Variants in OXNAD1 observed in about 807,000 individuals in gnomAD.
The protein encoded by OXNAD1 is oxidoreductase NAD-binding domain-containing protein 1.
A neutral mutation model predicts 32.9 loss-of-function variants in OXNAD1; 34 were observed. The ratio of observed to expected loss-of-function variants is 1.03; its 90% CI spans 0.79 to 1.38. OXNAD1 has a LOEUF of 1.38. OXNAD1 is among the 40% of genes most tolerant of loss of function. The pLI, the probability that OXNAD1 is intolerant of heterozygous loss-of-function variation, is 0.00. For synonymous variants in OXNAD1, 134 were observed against 135.2 expected (o/e 0.99, Z 0.06); for missense variants, 407 against 379.4 (o/e 1.07, Z -0.60).
rs2125293581 is a variant in OXNAD1 at position 16,342,781 on chromosome 3, C to T, written c.*31-6395C>T. On this transcript the variant is annotated intron_variant, in intron 9 of 9. Coordinates refer to the OXNAD1 transcript ENST00000606098. This position sits in a 1 kb window ranked among gnomAD's most constrained non-coding sequence, Gnocchi z 4.0. ...AAAGCTCTGTGTCAACATGCATGCCCAGCTTATTCAAGTTGGAAGGGGTCA... is the reference window on the plus strand; with the variant it reads ...AAAGCTCTGTGTCAACATGCATGCCTAGCTTATTCAAGTTGGAAGGGGTCA... Among the ~76,000 whole-genome samples, 1 of 152,310 alleles carries T rather than the reference C, an allele frequency of 6.6e-6. No individual in the cohort carries two copies. Among genetic ancestry groups the T allele is most frequent in the South Asian group, 2.1e-4 (1 of 4,830 alleles).
At position 16,346,978 on chromosome 3, in the gene OXNAD1, G is replaced by A. The variant is rs908243550; in HGVS notation, c.*31-2198G>A. Among the ~76,000 whole-genome samples the A allele has an allele frequency of 1.3e-5, 2 of 152,126 alleles. No individual in the cohort carries two copies. Among genetic ancestry groups the A allele is most frequent in the South Asian group, 2.1e-4 (1 of 4,818 alleles). On this transcript the variant is annotated intron_variant, in intron 9 of 9. Transcript: ENST00000606098. The surrounding 1 kb of genome is among the most constrained non-coding windows in gnomAD (Gnocchi z 4.4). The stretch of plus-strand genomic sequence containing the variant: ...AATGAGATGAGATGAACACCCCTAC[G>A]GCTTAAGCCACTTTTAGTTGGATTT...
rs1306128050 is a variant in OXNAD1, at chr3:16,312,553, G to A, written c.*30+8961G>A. On this transcript the variant is annotated intron_variant, in intron 9 of 9. Coordinates refer to the OXNAD1 transcript ENST00000435829. This position sits in a 1 kb window ranked among gnomAD's most constrained non-coding sequence, Gnocchi z 4.7. The stretch of plus-strand genomic sequence containing the variant: ...CTGCTGTGAGCCCTAGCAGGACAGA[G>A]CCCAGACTGTGTGCTCCCTGCAGCA... 1.3e-5 allele frequency among the ~76,000 whole-genome samples: 2 copies of A among 152,202 alleles called. No individual in the cohort carries two copies. Among genetic ancestry groups the A allele is most frequent in the Admixed American group, 6.5e-5 (1 of 15,282 alleles).
rs566680077 is a variant in OXNAD1 at position 16,322,702 on chromosome 3, T to C, written c.*31-14410T>C. Among the ~76,000 whole-genome samples the C allele has an allele frequency of 2.6e-5, 4 of 152,300 alleles. No individual in the cohort carries two copies. The highest frequency in any genetic ancestry group is 9.6e-5 in the African/African-American group (4 of 41,562). ...CCGACACTTGCACCTCGTACAGCCC[T>C]TGTGCTCAACCTTCAGGAATCACAG... On this transcript the variant is annotated intron_variant, in intron 9 of 9. Coordinates refer to the OXNAD1 transcript ENST00000435829. The surrounding 1 kb of genome is among the most constrained non-coding windows in gnomAD (Gnocchi z 6.2).
At chr3:16,337,547 C>G (rs1397186377), downstream of OXNAD1, among the ~76,000 whole-genome samples, 2 of 151,602 alleles carry the variant, frequency 1.3e-5, no homozygotes, top group East Asian at 1.9e-4. The surrounding 1 kb of genome is among the most constrained non-coding windows in gnomAD (Gnocchi z 5.0). Context: ...ATCGAGACCA[C>G]CCTGGCCAAC....
chr3:16,296,555 C>T (rs1371634119), intron 6 of OXNAD1, among the ~76,000 whole-genome samples: 1 of 152,090 alleles, frequency 6.6e-6, no homozygotes, highest in East Asian at 1.9e-4. Flanking sequence ...AGAAGAATCA[C>T]CTTAATCAAA....
At chr3:16,307,360 T>C (rs1049553402), downstream of OXNAD1, among the ~76,000 whole-genome samples, 10 of 152,160 alleles carry the variant, frequency 6.6e-5, no homozygotes, top group Admixed American at 1.3e-4. Context: ...AGTTCTCTAA[T>C]AAACAGGTAG....
chr3:16,273,181 A>G (rs1427700022), intron 4 of OXNAD1, among the ~76,000 whole-genome samples: 1 of 152,202 alleles, frequency 6.6e-6, no homozygotes, highest in Admixed American at 6.5e-5. Context: ...AGTGAAATAT[A>G]AGCAAAAAAG....
chr3:16,331,336 T>G (rs2070291100), intron 9 of OXNAD1, among the ~76,000 whole-genome samples: 2 of 152,254 alleles, frequency 1.3e-5, no homozygotes, highest in East Asian at 1.9e-4. Context: ...AAATAAAGGT[T>G]TAGTGCTCCC....
At chr3:16,326,049 C>A (rs2069656917) in intron 9 of OXNAD1, among the ~76,000 whole-genome samples, 1 of 152,224 alleles carries the variant, frequency 6.6e-6, no homozygotes, top group Non-Finnish European at 1.5e-5. Flanking sequence ...CCAAGCCTCC[C>A]CTAGCCTCAG....
Position 16,297,771 on chromosome 3 carries a change from C to T in OXNAD1, c.432+2774C>T, listed in dbSNP as rs2066901292. 6.6e-6 allele frequency among the ~76,000 whole-genome samples: 1 copy of T among 152,088 alleles called. No individual in the cohort carries two copies. Among genetic ancestry groups the T allele is most frequent in the Non-Finnish European group, 1.5e-5 (1 of 68,014 alleles). ...TGTAAAATCCCATTTTTGTCACATTCTGGAAGACAAAGATATAATGATGGG... is the reference window on the plus strand; with the variant it reads ...TGTAAAATCCCATTTTTGTCACATTTTGGAAGACAAAGATATAATGATGGG... On this transcript the variant is annotated intron_variant, in intron 6 of 8. Transcript: ENST00000285083. The surrounding 1 kb of genome is among the most constrained non-coding windows in gnomAD (Gnocchi z 4.3).
At position 16,303,269 on chromosome 3, in the gene OXNAD1, C is replaced by A; in HGVS notation, c.785-139C>A. The stretch of plus-strand genomic sequence containing the variant: ...GTCTGGGCCCAGATGCCAATAGGAG[C>A]CATACTGTGAATGGCTTAAGAAGAC... On this transcript the variant is annotated intron_variant, in intron 8 of 8. Transcript: ENST00000285083. This position sits in a 1 kb window ranked among gnomAD's most constrained non-coding sequence, Gnocchi z 4.8. 1 of 963,446 alleles carries A rather than the reference C, an allele frequency of 1.0e-6. No individual in the cohort carries two copies. 59.7% of individuals were successfully genotyped at this position (963,446 alleles called of 1,614,324 possible).
chr3:16,292,322 C>G (rs1575116847), intron 5 of OXNAD1, among the ~76,000 whole-genome samples: 1 of 151,866 alleles, frequency 6.6e-6, no homozygotes, highest in South Asian at 2.1e-4. Context: ...TCCCAAGTAG[C>G]TGGGACTACA....
At chr3:16,309,283 A>C (rs549889099), downstream of OXNAD1, among the ~76,000 whole-genome samples, 1 of 152,302 alleles carries the variant, frequency 6.6e-6, no homozygotes, top group Non-Finnish European at 1.5e-5. Flanking sequence ...TTCTGCACAT[A>C]CTCCTGTAGA....
rs1377125604 is a variant in OXNAD1, at chr3:16,302,920, A to G, written c.784+172A>G. Among the ~76,000 whole-genome samples the G allele has an allele frequency of 1.3e-5, 2 of 152,194 alleles. No homozygotes were observed. Among genetic ancestry groups the G allele is most frequent in the Non-Finnish European group, 2.9e-5 (2 of 68,036 alleles). ...GGATATTTAGTTGGGTTTACTCATT[A>G]TATACAGGTTTCCTATTGCCTGTGT... On this transcript the variant is annotated intron_variant, in intron 8 of 8. Coordinates refer to ENST00000285083, the MANE Select transcript of OXNAD1 (RefSeq NM_138381.5). This position sits in a 1 kb window ranked among gnomAD's most constrained non-coding sequence, Gnocchi z 4.2.
chr3:16,267,631 A>G (rs373988460), intron 1 of OXNAD1, among the ~76,000 whole-genome samples: 5 of 152,068 alleles, frequency 3.3e-5, no homozygotes, highest in African/African-American at 7.2e-5. Flanking sequence ...CACTGGAGAG[A>G]TGTCTTTCTT....
chr3:16,271,585 T>A lies in OXNAD1; in HGVS notation c.120-74T>A. On this transcript the variant is annotated intron_variant, in intron 3 of 8. Transcript: ENST00000285083. This position sits in a 1 kb window ranked among gnomAD's most constrained non-coding sequence, Gnocchi z 4.6. The stretch of plus-strand genomic sequence containing the variant: ...TACACTGTATTTAGGATAACCATGA[T>A]ATTTCAGGAAAAACTAATTTTATTA... The A allele has an allele frequency of 8.3e-7, 1 of 1,207,778 alleles. No homozygotes were observed. Among genetic ancestry groups the A allele is most frequent in the East Asian group, 2.7e-5 (1 of 37,532 alleles). 74.8% of individuals were successfully genotyped at this position (1,207,778 alleles called of 1,614,324 possible).
intron 9 of OXNAD1, among the ~76,000 whole-genome samples, chr3:16,315,234 G>A (rs2068260857): frequency 6.6e-6 from 1 of 152,124 alleles, no homozygotes; most frequent in Non-Finnish European, 1.5e-5. Flanking sequence ...TCCTGCCTCA[G>A]CCTCCCGAGT....
At chr3:16,313,792 AAC>A (rs576413872) in intron 9 of OXNAD1, 1 of 152,156 alleles carries the variant, frequency 6.6e-6, no homozygotes, top group Non-Finnish European at 1.5e-5. Flanking sequence ...CCAAGCCCAA[AAC>A]AGTGTTACTA....
In OXNAD1 at chr3:16,298,657, T is replaced by A. The variant is rs907348375; in HGVS notation, c.433-2969T>A. Among the ~76,000 whole-genome samples, 1 of 152,190 alleles carries A rather than the reference T, an allele frequency of 6.6e-6. No homozygotes were observed. The highest frequency in any genetic ancestry group is 2.4e-5 in the African/African-American group (1 of 41,454). Reference sequence around the variant, plus strand: ...CGTGAGTGTCTGGGTGGCAGCAGGCTGCACCGTTGAGACATGGAATAAAGT... The same window carrying A: ...CGTGAGTGTCTGGGTGGCAGCAGGCAGCACCGTTGAGACATGGAATAAAGT... On this transcript the variant is annotated intron_variant, in intron 6 of 8. Transcript: ENST00000285083. The surrounding 1 kb of genome is among the most constrained non-coding windows in gnomAD (Gnocchi z 5.1).
Sources: allele counts gnomAD v4.1 joint callset (sites outside exome capture counted in the v4.1 genomes callset), GRCh38; gene constraint gnomAD v4.1.1; non-coding constraint Gnocchi (gnomAD v3.1); transcripts MANE v1.5; gene names NCBI Gene and HGNC (gene_info 2026-07-23, HGNC 2026-07-21).